The following LINS1 variants were observed in gnomAD, a reference collection of about 807,000 sequenced individuals.
LINS1 encodes protein Lines homolog 1.
LINS1 carries 27 observed loss-of-function variants against 41.6 expected under a neutral mutation model. The observed-to-expected ratio is 0.65, with a 90% CI of 0.48 to 0.89. The LOEUF is 0.89. LINS1 is among the 40% of genes least tolerant of loss of function. The pLI is 0.00. For missense variants in LINS1, 955 were observed against 884.1 expected (o/e 1.08, Z -1.02); for synonymous variants, 336 against 312.9 (o/e 1.07, Z -0.78).
rs142986788 is a variant in LINS1, at chr15:100,590,531, C to T, written c.-103-9586G>A. ...CTTTTTCCATGGCCCTTTTCCATTGCAAAAGAAGCAATGATTAGAAATGTT... is the reference window on the plus strand; with the variant it reads ...CTTTTTCCATGGCCCTTTTCCATTGTAAAAGAAGCAATGATTAGAAATGTT... On this transcript the variant is annotated intron_variant, in intron 1 of 6. Coordinates refer to ENST00000314742, the MANE Select transcript of LINS1 (RefSeq NM_001040616.3). Among the ~76,000 whole-genome samples, 430 of 152,270 alleles carry T rather than the reference C, an allele frequency of 2.8e-3. 2 individuals carry two copies. The highest frequency in any genetic ancestry group is 9.4e-3 in the African/African-American group (389 of 41,536).
At chr15:100,596,627 G>A (rs2039257684) in intron 1 of LINS1, among the ~76,000 whole-genome samples, 1 of 152,212 alleles carries the variant, frequency 6.6e-6, no homozygotes, top group South Asian at 2.1e-4. Context: ...TTAATAAAAA[G>A]CAGCCCCCAA....
intron 3 of LINS1, among the ~76,000 whole-genome samples, chr15:100,577,660 T>C (rs2038264883): frequency 6.6e-6 from 1 of 152,162 alleles, no homozygotes; most frequent in African/African-American, 2.4e-5. Context: ...CTTCACAGAA[T>C]TGGAAAAAAC....
intron 1 of LINS1, among the ~76,000 whole-genome samples, chr15:100,590,839 G>C (rs1337212090): frequency 1.3e-5 from 2 of 152,122 alleles, no homozygotes; most frequent in Non-Finnish European, 1.5e-5. Flanking sequence ...GAACCTAAGG[G>C]AAGAAGCATA....
In LINS1 at chr15:100,568,948, C is replaced by T. The variant is rs1253229945; in HGVS notation, c.*290G>A. 8 of 269,638 alleles carry T rather than the reference C, an allele frequency of 3.0e-5. No homozygotes were observed. The highest frequency in any genetic ancestry group is 5.0e-5 in the Non-Finnish European group (7 of 139,846). The allele number at this position is 269,638 out of a possible 1,614,324, so 16.7% of individuals were successfully genotyped here. On this transcript the variant is annotated 3_prime_UTR_variant, in exon 7 of 7. Transcript: ENST00000314742. ...AGACCAGCCTGGCAACATGGTGAAA[C>T]CCCCGTCTCTACTAAAAATACAAAA... is the stretch of plus-strand genomic sequence containing the variant.
intron 5 of LINS1, chr15:100,573,278 T>C (rs902026401): frequency 2.9e-6 from 2 of 694,360 alleles, no homozygotes; most frequent in Non-Finnish European, 3.7e-6. Context: ...GGGTCAGGGC[T>C]GCAGTGGGCC....
chr15:100,591,884 C>T (rs959511043), intron 1 of LINS1, among the ~76,000 whole-genome samples: 2 of 152,124 alleles, frequency 1.3e-5, no homozygotes, highest in African/African-American at 4.8e-5. Context: ...ACCATTGGTC[C>T]CTCTGCTTCC....
chr15:100,570,590 G>A (rs1044052447), intron 6 of LINS1: 1 of 154,630 alleles, frequency 6.5e-6, no homozygotes, highest in Non-Finnish European at 1.4e-5. Flanking sequence ...TGGAGCTATG[G>A]AAGATTATAA....
intron 1 of LINS1, among the ~76,000 whole-genome samples, chr15:100,601,752 T>C (rs2039507152): frequency 6.6e-6 from 1 of 152,144 alleles, no homozygotes; most frequent in Non-Finnish European, 1.5e-5. Flanking sequence ...TTAACAAACG[T>C]GTCTTGATCA....
At chr15:100,579,368 T>C (rs998584486) in intron 3 of LINS1, among the ~76,000 whole-genome samples, 6 of 147,858 alleles carry the variant, frequency 4.1e-5, no homozygotes, top group African/African-American at 1.2e-4. Context: ...GTGGCCCCTT[T>C]ACTTCAACAT....
At chr15:100,601,896 G>A (rs1403620044) in intron 1 of LINS1, among the ~76,000 whole-genome samples, 3 of 152,154 alleles carry the variant, frequency 2.0e-5, no homozygotes, top group African/African-American at 7.2e-5. Context: ...TTCAGGCGAG[G>A]CATTGCCAGC....
rs11636052 is a variant in LINS1 at position 100,568,336 on chromosome 15, A to G, written c.*902T>C. The G allele has an allele frequency of 0.36, 55,377 of 152,146 alleles. 11,122 individuals are homozygous for G. The highest frequency in any genetic ancestry group is 0.47 in the Non-Finnish European group (31,979 of 67,988). The allele number at this position is 152,146 out of a possible 1,614,324, so 9.4% of individuals were successfully genotyped here. A position where few individuals can be genotyped will look rare whatever the true frequency, so the allele number is the denominator to read the frequency against. On this transcript the variant is annotated 3_prime_UTR_variant, in exon 7 of 7. Coordinates refer to ENST00000314742, the MANE Select transcript of LINS1 (RefSeq NM_001040616.3). ...CCATCAAGGACACATGAAAGTGGCC[A>G]TATCTGGGATTAGGGTCTTTGCAGC...
Position 100,569,143 on chromosome 15 carries a change from A to AT in LINS1, c.*94_*95insA. 1.2e-6 allele frequency: 1 copy of AT among 800,976 alleles called. No individual in the cohort carries two copies. Among genetic ancestry groups the AT allele is most frequent in the Non-Finnish European group, 2.0e-6 (1 of 508,886 alleles). 49.6% of individuals were successfully genotyped at this position (800,976 alleles called of 1,614,324 possible). The stretch of plus-strand genomic sequence containing the variant: ...GTCTCAAAAAAAAAAAAAAAAAAGA[A>AT]AACCCTTTTATGGTGATGATTTTAT... On this transcript the variant is annotated 3_prime_UTR_variant, in exon 7 of 7. Transcript: ENST00000314742.
intron 3 of LINS1, among the ~76,000 whole-genome samples, chr15:100,576,977 C>A (rs569722018): frequency 2.0e-5 from 3 of 151,974 alleles, no homozygotes; most frequent in East Asian, 1.9e-4. Flanking sequence ...ATTCAACAAC[C>A]CTTCATGCTA....
At chr15:100,594,059 C>T (rs2039146170) in intron 1 of LINS1, among the ~76,000 whole-genome samples, 1 of 152,058 alleles carries the variant, frequency 6.6e-6, no homozygotes, top group Non-Finnish European at 1.5e-5. Context: ...GCTCAACTCC[C>T]TGGCAAAAAA....
chr15:100,569,787 A>G lies in LINS1; in HGVS notation c.1725T>C (p.His575=), dbSNP rs1050767740. 1.2e-6 allele frequency: 2 copies of G among 1,614,052 alleles called. No homozygotes were observed. The highest frequency in any genetic ancestry group is 4.5e-5 in the East Asian group (2 of 44,878). ...QDQSSNQTIP[H]RLTAPHSHRD... is the part of the protein sequence containing the mutation. ...TGTGACTATGAGGAGCAGTCAAACGATGGGGTATTGTTTGGTTGGAGCTTT... is the reference window on the plus strand; with the variant it reads ...TGTGACTATGAGGAGCAGTCAAACGGTGGGGTATTGTTTGGTTGGAGCTTT... Residue 575 remains histidine (H), a synonymous_variant, in exon 7 of 7, where the codon CAT becomes CAC. Coordinates refer to ENST00000314742, the MANE Select transcript of LINS1 (RefSeq NM_001040616.3).
chr15:100,573,315 A>G (rs1006883434), intron 5 of LINS1: 3 of 145,506 alleles, frequency 2.1e-5, no homozygotes, highest in South Asian at 2.3e-4. Flanking sequence ...AGTTTAGATT[A>G]AAAAAAAAAA....
intron 1 of LINS1, among the ~76,000 whole-genome samples, chr15:100,596,654 C>G (rs913011994): frequency 2.6e-5 from 4 of 152,132 alleles, no homozygotes; most frequent in Non-Finnish European, 4.4e-5. Context: ...TCTTTTCTAA[C>G]AAAAAGCGGC....
intron 1 of LINS1, among the ~76,000 whole-genome samples, chr15:100,590,506 C>A (rs1397600920): frequency 2.6e-5 from 4 of 152,178 alleles, no homozygotes; most frequent in African/African-American, 9.7e-5. Context: ...TTGTTAGGTC[C>A]TTTTTCCATG....
chr15:100,591,841 C>T (rs544870418), intron 1 of LINS1, among the ~76,000 whole-genome samples: 1 of 152,210 alleles, frequency 6.6e-6, no homozygotes, highest in South Asian at 2.1e-4. Flanking sequence ...GGGACTGTGC[C>T]CCAAGCCAGC....
Sources: allele counts gnomAD v4.1 joint callset (sites outside exome capture counted in the v4.1 genomes callset), GRCh38; gene constraint gnomAD v4.1.1; transcripts MANE v1.5; gene names NCBI Gene and HGNC (gene_info 2026-07-23, HGNC 2026-07-21).